The following CD109 variants were observed in gnomAD, a reference collection of about 807,000 sequenced individuals.
The protein encoded by CD109 is CD109 antigen.
A neutral mutation model predicts 165.8 loss-of-function variants in CD109; 149 were observed. The observed-to-expected ratio is 0.90, with a 90% CI of 0.79 to 1.03. CD109 has a LOEUF of 1.03. Among genes scored for constraint, CD109 ranks in the 50% least tolerant of loss-of-function variants. CD109 has a pLI of 0.00. For missense variants in CD109, 1,712 were observed against 1,677.8 expected (o/e 1.02, Z -0.36); for synonymous variants, 585 against 592.1 (o/e 0.99, Z 0.18).
chr6:73,727,691 A>G (rs1034111375), intron 3 of CD109, among the ~76,000 whole-genome samples: 1 of 152,298 alleles, frequency 6.6e-6, no homozygotes, highest in Non-Finnish European at 1.5e-5. Flanking sequence ...TCAGTCTTCA[A>G]TCTAGCATCT....
At chr6:73,720,875 T>C (rs1771925508) in intron 2 of CD109, among the ~76,000 whole-genome samples, 1 of 152,190 alleles carries the variant, frequency 6.6e-6, no homozygotes, top group Non-Finnish European at 1.5e-5. Context: ...GGCTGTGGTC[T>C]TTGCTCACCC....
chr6:73,767,446 C>T (rs1464116814), intron 13 of CD109, among the ~76,000 whole-genome samples: 1 of 152,130 alleles, frequency 6.6e-6, no homozygotes, highest in African/African-American at 2.4e-5. Flanking sequence ...TTTTCTTTAT[C>T]CAGTCCACCT....
chr6:73,742,898 C>G (rs1212741110), intron 5 of CD109, among the ~76,000 whole-genome samples: 9 of 152,176 alleles, frequency 5.9e-5, no homozygotes, highest in Admixed American at 5.2e-4. Flanking sequence ...AATAAGCACT[C>G]AAGGAAATTC....
intron 2 of CD109, among the ~76,000 whole-genome samples, chr6:73,715,499 G>A (rs1771703822): frequency 6.6e-6 from 1 of 150,398 alleles, no homozygotes; most frequent in Admixed American, 6.6e-5. Context: ...CAGGAGTTTG[G>A]GGTGGCAGTG....
At chr6:73,701,218 A>G (rs910386472) in intron 2 of CD109, among the ~76,000 whole-genome samples, 1 of 152,114 alleles carries the variant, frequency 6.6e-6, no homozygotes, top group African/African-American at 2.4e-5. Context: ...GAGATTCAAA[A>G]GATTGCTTGT....
At chr6:73,705,337 A>G (rs768260447) in intron 2 of CD109, among the ~76,000 whole-genome samples, 1 of 152,160 alleles carries the variant, frequency 6.6e-6, no homozygotes, top group Non-Finnish European at 1.5e-5. Flanking sequence ...AAAGAGGAAA[A>G]TAAGTTAATG....
At chr6:73,710,017 T>C (rs1355143803) in intron 2 of CD109, among the ~76,000 whole-genome samples, 1 of 152,214 alleles carries the variant, frequency 6.6e-6, no homozygotes, top group African/African-American at 2.4e-5. Context: ...AAGCATTCCC[T>C]TTGAAAACTG....
the CD109 span, among the ~76,000 whole-genome samples, chr6:73,684,666 A>T: frequency 1.3e-5 from 2 of 151,736 alleles, no homozygotes; most frequent in Non-Finnish European, 2.9e-5. Context: ...CTTTTGAGAA[A>T]TGTTTACTCA....
chr6:73,771,025 C>T (rs1405062420), intron 14 of CD109, among the ~76,000 whole-genome samples: 6 of 152,142 alleles, frequency 3.9e-5, no homozygotes, highest in African/African-American at 1.4e-4. Context: ...CTTGCCTTCA[C>T]TTCTGAGCTC....
chr6:73,818,962 G>A (rs1157001621), intron 31 of CD109, among the ~76,000 whole-genome samples: 3 of 152,188 alleles, frequency 2.0e-5, no homozygotes, highest in Non-Finnish European at 4.4e-5. Flanking sequence ...CTCCTGAGTA[G>A]CTGGGACCAC....
At chr6:73,689,773 A>G in the CD109 span, among the ~76,000 whole-genome samples, 21 of 152,206 alleles carry the variant, frequency 1.4e-4, no homozygotes, top group African/African-American at 4.6e-4. Flanking sequence ...TGTATTTCAC[A>G]TATTTCATCA....
chr6:73,681,322 ATTTGTG>A, the CD109 span, among the ~76,000 whole-genome samples: 1 of 93,334 alleles, frequency 1.1e-5, no homozygotes, highest in East Asian at 3.3e-4. Context: ...TACAGTTACC[ATTTGTG>A]TGTGTGTGTG....
chr6:73,808,375 G>A, intron 26 of CD109, 127 bp downstream of exon 26: 2 of 922,404 alleles, frequency 2.2e-6, no homozygotes, highest in Non-Finnish European at 3.2e-6. Flanking sequence ...AACACATAAT[G>A]AGATCAGGAT....
At chr6:73,796,873 G>A (rs1271913843) in intron 23 of CD109, among the ~76,000 whole-genome samples, 2 of 152,190 alleles carry the variant, frequency 1.3e-5, no homozygotes, top group African/African-American at 2.4e-5. Flanking sequence ...AGTCAGCACA[G>A]TGGAGCTCCC....
chr6:73,758,642 C>T (rs1773492709), intron 6 of CD109, among the ~76,000 whole-genome samples: 1 of 152,132 alleles, frequency 6.6e-6, no homozygotes, highest in Non-Finnish European at 1.5e-5. Context: ...CCTCTGCCTC[C>T]CGAGTTCTAG....
chr6:73,739,167 T>A (rs541624143), intron 5 of CD109, among the ~76,000 whole-genome samples: 5 of 152,344 alleles, frequency 3.3e-5, no homozygotes, highest in African/African-American at 9.6e-5. Flanking sequence ...GTATATTCTA[T>A]AAAGCATCTT....
At chr6:73,788,637 T>A in intron 22 of CD109, 25 bp downstream of exon 22, 1 of 1,583,922 alleles carries the variant, frequency 6.3e-7, no homozygotes, top group Non-Finnish European at 8.6e-7. Flanking sequence ...TATCACCATC[T>A]ATTGGTTTAA....
At chr6:73,715,677 T>C (rs1010327117) in intron 2 of CD109, among the ~76,000 whole-genome samples, 22 of 152,090 alleles carry the variant, frequency 1.4e-4, no homozygotes, top group African/African-American at 5.1e-4. Flanking sequence ...ACAGGGTACA[T>C]GAGATACTTT....
At chr6:73,812,675 G>GT (rs1218312608) in intron 29 of CD109, among the ~76,000 whole-genome samples, 5 of 152,078 alleles carry the variant, frequency 3.3e-5, no homozygotes, top group Admixed American at 6.6e-5. Context: ...TTATATAATA[G>GT]TAAATATAAC....
Sources: gnomAD v4.1 joint callset for allele counts (sites outside exome capture counted in the v4.1 genomes callset) on GRCh38, gnomAD v4.1.1 for gene constraint, MANE v1.5 for transcripts, NCBI Gene and HGNC (gene_info 2026-07-23, HGNC 2026-07-21) for gene names.